The following NEK1 variants were observed in gnomAD, a reference collection of about 807,000 sequenced individuals.
The protein encoded by NEK1 is NIMA related kinase 1.
In NEK1, 137 loss-of-function variants were observed where a neutral mutation model predicts 182.1. The ratio of observed to expected loss-of-function variants is 0.75; its 90% CI spans 0.65 to 0.87. The LOEUF is 0.87. NEK1 is among the 40% of genes least tolerant of loss of function. The pLI, the probability that NEK1 is intolerant of heterozygous loss-of-function variation, is 0.00. For missense variants in NEK1, 1,391 were observed against 1,494.4 expected (o/e 0.93, Z 1.14); for synonymous variants, 513 against 492.2 (o/e 1.04, Z -0.56).
intron 10 of NEK1, among the ~76,000 whole-genome samples, chr4:169,583,544 A>G (rs555544069): frequency 2.7e-4 from 41 of 152,328 alleles, no homozygotes; most frequent in Non-Finnish European, 2.8e-4. Context: ...TTTTCATATT[A>G]TAAGTTTGGC....
intron 2 of NEK1, among the ~76,000 whole-genome samples, chr4:169,607,925 A>G (rs1201924728): frequency 2.0e-5 from 3 of 152,160 alleles, no homozygotes; most frequent in Non-Finnish European, 4.4e-5. Context: ...AAACTGAGAG[A>G]AAAATATTAA....
At chr4:169,428,037 G>A (rs1295190048) in intron 29 of NEK1, among the ~76,000 whole-genome samples, 2 of 151,092 alleles carry the variant, frequency 1.3e-5, no homozygotes, top group East Asian at 3.9e-4. Context: ...GCCCAGGCTG[G>A]TATCAAACTC....
rs748870177 is a variant in NEK1, at chr4:169,406,659, T to A, written c.3311A>T (p.Asn1104Ile). 3.7e-6 allele frequency: 6 copies of A among 1,608,458 alleles called. No homozygotes were observed. The highest frequency in any genetic ancestry group is 5.1e-6 in the Non-Finnish European group (6 of 1,176,804). Reference protein sequence around the residue: ...VPTVGDVRQDNLEIDEIEDEN... With the variant: ...VPTVGDVRQDILEIDEIEDEN... Reference sequence around the variant, plus strand: ...ATCTTCAATTTCATCTATTTCAAGATTGTCTTGACGAACATCTCCTACGGT... The same window carrying A: ...ATCTTCAATTTCATCTATTTCAAGAATGTCTTGACGAACATCTCCTACGGT... The change falls in exon 32 of 36, where the codon AAT becomes ATT. Residue 1104 changes from asparagine to isoleucine, a missense_variant. Transcript: ENST00000507142.
At chr4:169,462,880 T>C (rs1384497036) in intron 27 of NEK1, among the ~76,000 whole-genome samples, 1 of 152,160 alleles carries the variant, frequency 6.6e-6, no homozygotes, top group East Asian at 1.9e-4. Flanking sequence ...ATGTCTGTCA[T>C]ACCTACTAAA....
At chr4:169,610,651 G>C (rs1196297739) in intron 2 of NEK1, among the ~76,000 whole-genome samples, 1 of 152,166 alleles carries the variant, frequency 6.6e-6, no homozygotes, top group Non-Finnish European at 1.5e-5. Context: ...AGCAATTTTG[G>C]ACATAATAAA....
intron 18 of NEK1, among the ~76,000 whole-genome samples, chr4:169,553,620 G>C (rs1761736270): frequency 6.6e-6 from 1 of 152,062 alleles, no homozygotes; most frequent in South Asian, 2.1e-4. Context: ...CCTGATAAAG[G>C]ACTGTTAAAT....
chr4:169,585,678 A>G (rs775772130), intron 9 of NEK1, 129 bp from the exon 10 acceptor site: 12 of 573,412 alleles, frequency 2.1e-5, no homozygotes, highest in African/African-American at 3.8e-5. Flanking sequence ...AATAATTAGA[A>G]TATGTTTTCT....
intron 27 of NEK1, among the ~76,000 whole-genome samples, chr4:169,459,385 C>T (rs767031815): frequency 6.6e-6 from 1 of 152,200 alleles, no homozygotes; most frequent in Non-Finnish European, 1.5e-5. Context: ...ACACTGACAA[C>T]ACCAAATGCT....
At chr4:169,478,908 G>A (rs956791611) in intron 24 of NEK1, among the ~76,000 whole-genome samples, 1 of 152,160 alleles carries the variant, frequency 6.6e-6, no homozygotes, top group Non-Finnish European at 1.5e-5. Flanking sequence ...TGTAGGGCAT[G>A]ACAGAGATTC....
intron 6 of NEK1, 61 bp downstream of exon 6, chr4:169,590,665 A>T: frequency 7.6e-7 from 1 of 1,322,632 alleles, no homozygotes; most frequent in East Asian, 2.5e-5. Context: ...TTTTTGGCCC[A>T]AAACAATGAA....
chr4:169,461,923 C>T (rs1185062271), intron 27 of NEK1, among the ~76,000 whole-genome samples: 1 of 152,004 alleles, frequency 6.6e-6, no homozygotes. Context: ...TAGTTGGTGA[C>T]TGAATGAAGA....
At chr4:169,420,145 G>A (rs1292644249) in intron 31 of NEK1, among the ~76,000 whole-genome samples, 2 of 152,066 alleles carry the variant, frequency 1.3e-5, no homozygotes, top group African/African-American at 2.4e-5. Context: ...AAACACACAC[G>A]TCAGCCTATG....
At chr4:169,528,879 C>A (rs769105253) in intron 19 of NEK1, among the ~76,000 whole-genome samples, 1 of 152,002 alleles carries the variant, frequency 6.6e-6, no homozygotes, top group African/African-American at 2.4e-5. Flanking sequence ...AAAGTACAAA[C>A]CCTAACAAAC....
At position 169,468,374 on chromosome 4, in the gene NEK1, G is replaced by A. The variant is rs72691072; in HGVS notation, c.2435-4979C>T. ...GCAAACTTTCTGGGGTGATGTTAAT[G>A]TTCTGTATCTTGATGGGGGTTCTTA... On this transcript the variant is annotated intron_variant, in intron 26 of 35. Transcript: ENST00000507142. Among the ~76,000 whole-genome samples the A allele has an allele frequency of 4.0e-3, 604 of 152,204 alleles. 5 individuals are homozygous for A. Among genetic ancestry groups the A allele is most frequent in the South Asian group, 0.029 (142 of 4,826 alleles).
intron 26 of NEK1, among the ~76,000 whole-genome samples, chr4:169,466,861 T>TA (rs59037043): frequency 1.3e-5 from 2 of 151,164 alleles, no homozygotes; most frequent in Non-Finnish European, 1.5e-5. Flanking sequence ...ATTTATAGCA[T>TA]AAAAAAAAAA....
At chr4:169,504,386 T>C (rs1277954586) in intron 23 of NEK1, among the ~76,000 whole-genome samples, 3 of 152,170 alleles carry the variant, frequency 2.0e-5, no homozygotes, top group Non-Finnish European at 4.4e-5. Flanking sequence ...GCTAGGTATA[T>C]ACCCAAAAGA....
intron 12 of NEK1, among the ~76,000 whole-genome samples, chr4:169,570,548 G>T (rs1474371274): frequency 1.3e-5 from 2 of 150,990 alleles, no homozygotes; most frequent in African/African-American, 4.9e-5. Context: ...CGTCCGGGAG[G>T]GAGGTGGGGG....
intron 24 of NEK1, 57 bp downstream of exon 24, chr4:169,479,345 TA>T: frequency 6.5e-7 from 1 of 1,528,260 alleles, no homozygotes; most frequent in African/African-American, 1.4e-5. Flanking sequence ...TCATTAAATT[TA>T]ATTTCCTTTT....
chr4:169,425,913 T>C (rs951928357), intron 30 of NEK1, among the ~76,000 whole-genome samples: 8 of 152,234 alleles, frequency 5.3e-5, no homozygotes, highest in Non-Finnish European at 1.0e-4. Context: ...GTAATTCTTT[T>C]CATTTTTAAT....
Sources: allele counts gnomAD v4.1 joint callset (sites outside exome capture counted in the v4.1 genomes callset), GRCh38; gene constraint gnomAD v4.1.1; transcripts MANE v1.5; gene names NCBI Gene and HGNC (gene_info 2026-07-23, HGNC 2026-07-21).